The following SERPINB11 variants were observed in gnomAD, a reference collection of about 807,000 sequenced individuals.
The protein encoded by SERPINB11 is serpin B11.
In SERPINB11, 32 loss-of-function variants were observed where a neutral mutation model predicts 36.7. The ratio of observed to expected loss-of-function variants is 0.87; its 90% CI spans 0.66 to 1.17. The LOEUF is 1.17. Ranked by LOEUF, SERPINB11 falls within the 50% of genes most tolerant of loss-of-function variation. The pLI is 0.00. For missense variants in SERPINB11, 528 were observed against 458.4 expected (o/e 1.15, Z -1.39); for synonymous variants, 174 against 168.1 (o/e 1.04, Z -0.27).
intron 4 of SERPINB11, among the ~76,000 whole-genome samples, chr18:63,715,314 T>C (rs550263189): frequency 6.6e-6 from 1 of 152,242 alleles, no homozygotes; most frequent in South Asian, 2.1e-4. Flanking sequence ...TCCAGTTCTA[T>C]AGAAATCTAG....
chr18:63,712,488 T>A, intron 3 of SERPINB11, 77 bp from the exon 4 acceptor site: 1 of 1,479,578 alleles, frequency 6.8e-7, no homozygotes, highest in Non-Finnish European at 9.4e-7. Context: ...AACACCTTGC[T>A]CTCTAGATAG....
At chr18:63,718,600 A>G (rs751717574) in intron 5 of SERPINB11, among the ~76,000 whole-genome samples, 1 of 151,982 alleles carries the variant, frequency 6.6e-6, no homozygotes, top group Non-Finnish European at 1.5e-5. Flanking sequence ...TATATACTTT[A>G]CTTTTGTATA....
chr18:63,720,342 C>T (rs1229502610), intron 6 of SERPINB11, 187 bp downstream of exon 6: 2 of 572,038 alleles, frequency 3.5e-6, no homozygotes, highest in Admixed American at 6.8e-5. Context: ...TCACAGAGCA[C>T]CTAACTGGAG....
chr18:63,715,572 G>A (rs1914646529), intron 4 of SERPINB11, among the ~76,000 whole-genome samples: 1 of 152,024 alleles, frequency 6.6e-6, no homozygotes, highest in Non-Finnish European at 1.5e-5. Flanking sequence ...TTATATTTAT[G>A]GCAGCTTGTG....
chr18:63,713,888 C>T (rs1914593688), intron 4 of SERPINB11, among the ~76,000 whole-genome samples: 1 of 152,166 alleles, frequency 6.6e-6, no homozygotes, highest in Non-Finnish European at 1.5e-5. Flanking sequence ...TGAACTATGT[C>T]ATGAGAGGGA....
chr18:63,717,861 A>G (rs952904900), intron 5 of SERPINB11, among the ~76,000 whole-genome samples: 8 of 152,012 alleles, frequency 5.3e-5, no homozygotes, highest in Non-Finnish European at 1.5e-5. Flanking sequence ...TTTCCTTTAT[A>G]GTTAGTGTCT....
chr18:63,716,282 C>T, intron 5 of SERPINB11, 130 bp downstream of exon 5: 1 of 522,862 alleles, frequency 1.9e-6, no homozygotes, highest in Non-Finnish European at 3.3e-6. Context: ...AGGAATGGGG[C>T]CATATTTTGG....
At position 63,723,286 on chromosome 18, in the gene SERPINB11, G is replaced by A. The variant is rs375849732; in HGVS notation, c.1066G>A (p.Val356Ile). 1.7e-5 allele frequency: 28 copies of A among 1,613,830 alleles called. No homozygotes were observed. The highest frequency in any genetic ancestry group is 2.4e-5 in the Non-Finnish European group (28 of 1,179,872). ...AGCAGCCACTGGGGACAGCATCGCT[G>A]TAAAAAGCCTACCAATGAGAGCTCA... ...AAAATGDSIA[V>I]KSLPMRAQFK... Residue 356 changes from valine to isoleucine, a missense_variant, in exon 8 of 8, where the codon GTA becomes ATA. Val to Ile is a conservative substitution (Grantham distance 29). Transcript: ENST00000544088.
chr18:63,721,107 AGTAG>A (rs780968709), intron 7 of SERPINB11, 121 bp downstream of exon 7: 5 of 971,016 alleles, frequency 5.1e-6, no homozygotes, highest in Non-Finnish European at 7.5e-6. Flanking sequence ...TCTAAGCCTT[AGTAG>A]GATTGTCCCG....
chr18:63,705,135 T>G (rs990274044), intron 1 of SERPINB11: 1 of 152,294 alleles, frequency 6.6e-6, no homozygotes, highest in East Asian at 1.9e-4. Flanking sequence ...AGTACAGTGG[T>G]GCAGTCACTG....
chr18:63,711,184 G>T (rs921799405), intron 2 of SERPINB11, 151 bp from the exon 3 acceptor site: 3 of 646,326 alleles, frequency 4.6e-6, no homozygotes, highest in South Asian at 3.6e-5. Flanking sequence ...GATATGTAAA[G>T]ACTTAGTTCA....
At chr18:63,708,003 A>C (rs147090744) in intron 1 of SERPINB11, among the ~76,000 whole-genome samples, 3 of 152,208 alleles carry the variant, frequency 2.0e-5, no homozygotes, top group African/African-American at 7.2e-5. Flanking sequence ...GAGATGATTA[A>C]ACTGCTGGAA....
At chr18:63,719,160 G>T (rs1010248) in intron 5 of SERPINB11, among the ~76,000 whole-genome samples, 56,428 of 151,768 alleles carry the variant, frequency 0.37, 11,343 homozygotes, top group East Asian at 0.61. Flanking sequence ...GATGATTAGT[G>T]TTGTCTGTCA....
At position 63,723,141 on chromosome 18, in the gene SERPINB11, A is replaced by G. The variant is rs766933994; in HGVS notation, c.921A>G (p.Thr307=). The change falls in exon 8 of 8, where the codon ACA becomes ACG. Residue 307 remains threonine, a synonymous_variant. Transcript: ENST00000544088. ...LNSLLKSLGV[T]DLFNQVKADL... is the part of the protein sequence containing the mutation. Reference sequence around the variant, plus strand: ...CCCTGTTAAAATCTCTAGGGGTGACAGATCTCTTCAACCAGGTCAAAGCTG... The same window carrying G: ...CCCTGTTAAAATCTCTAGGGGTGACGGATCTCTTCAACCAGGTCAAAGCTG... 3.1e-6 allele frequency: 5 copies of G among 1,611,072 alleles called. No individual in the cohort carries two copies. In the South Asian group the frequency reaches 4.4e-5, roughly 14 times the overall value.
intron 5 of SERPINB11, among the ~76,000 whole-genome samples, chr18:63,717,702 T>G (rs1197450931): frequency 1.3e-5 from 2 of 152,058 alleles, no homozygotes; most frequent in African/African-American, 4.8e-5. Context: ...CTGTTTTTTT[T>G]TCTGATAAAT....
At chr18:63,715,346 G>A (rs1030324892) in intron 4 of SERPINB11, among the ~76,000 whole-genome samples, 7 of 152,226 alleles carry the variant, frequency 4.6e-5, no homozygotes, top group East Asian at 1.9e-4. Context: ...GTCATAAATT[G>A]TTGCTCCAGA....
intron 7 of SERPINB11, 65 bp downstream of exon 7, chr18:63,721,051 G>A (rs1914801592): frequency 4.0e-6 from 5 of 1,239,056 alleles, no homozygotes; most frequent in Admixed American, 2.0e-5. Context: ...CACACACACA[G>A]ACACACTGTG....
Position 63,706,832 on chromosome 18 carries a change from G to T in SERPINB11, c.-15-3347G>T, listed in dbSNP as rs186201865. Among the ~76,000 whole-genome samples, 312 of 152,292 alleles carry T rather than the reference G, an allele frequency of 2.0e-3. 2 individuals are homozygous for T. The highest frequency in any genetic ancestry group is 8.1e-3 in the South Asian group (39 of 4,830). Reference sequence around the variant, plus strand: ...CACTCAATGGTGTGTTATCGAGGACGCAAGTTCTGCCTGTCCTTCTTCTCT... The same window carrying T: ...CACTCAATGGTGTGTTATCGAGGACTCAAGTTCTGCCTGTCCTTCTTCTCT... On this transcript the variant is annotated intron_variant, in intron 1 of 7. Transcript: ENST00000544088.
At chr18:63,721,195 C>T (rs1914804618) in intron 7 of SERPINB11, among the ~76,000 whole-genome samples, 1 of 152,160 alleles carries the variant, frequency 6.6e-6, no homozygotes, top group South Asian at 2.1e-4. Context: ...ACAAGCTATT[C>T]TTACATGAGA....
Sources: gnomAD v4.1 joint callset for allele counts (sites outside exome capture counted in the v4.1 genomes callset) on GRCh38, gnomAD v4.1.1 for gene constraint, MANE v1.5 for transcripts, NCBI Gene and HGNC (gene_info 2026-07-23, HGNC 2026-07-21) for gene names.